TRPS1: variants seen among roughly 807,000 people sequenced by gnomAD.
TRPS1 encodes the protein zinc finger transcription factor Trps1.
A neutral mutation model predicts 101.2 loss-of-function variants in TRPS1; 6 were observed. That is an observed-to-expected ratio of 0.06 (90% confidence interval 0.03 to 0.12). The LOEUF (loss-of-function observed/expected upper bound fraction) is 0.12. Ranked by LOEUF, TRPS1 falls within the 10% of genes least tolerant of loss-of-function variation. TRPS1 has a pLI of 1.00. For missense variants in TRPS1, 1,363 were observed against 1,567.0 expected, an observed-to-expected ratio of 0.87 and a Z score of 2.20; for synonymous variants, 578 against 589.8, an observed-to-expected ratio of 0.98 and a Z score of 0.29.
intron 1 of TRPS1, among the ~76,000 whole-genome samples, chr8:115,645,716 A>T (rs528025062): frequency 1.2e-4 from 19 of 152,330 alleles, no homozygotes; most frequent in Admixed American, 2.0e-4. Context: ...AAATATTTTT[A>T]AAAAATGATG....
At chr8:115,638,759 A>T (rs1217542969) in intron 1 of TRPS1, among the ~76,000 whole-genome samples, 2 of 152,188 alleles carry the variant, frequency 1.3e-5, no homozygotes, top group Non-Finnish European at 2.9e-5. Context: ...GCTTACTCAC[A>T]TCTTTACTTT....
intron 5 of TRPS1, among the ~76,000 whole-genome samples, chr8:115,460,922 T>C (rs915922107): frequency 6.6e-6 from 1 of 152,188 alleles, no homozygotes; most frequent in African/African-American, 2.4e-5. Flanking sequence ...AGCTCAACTA[T>C]GTTACAAATA....
At chr8:115,628,452 C>G (rs115699518) in intron 1 of TRPS1, among the ~76,000 whole-genome samples, 1,580 of 151,878 alleles carry the variant, frequency 0.01, 27 homozygotes, top group African/African-American at 0.036. Context: ...CACACACACA[C>G]AGGAGTCATT....
chr8:115,534,445 T>G (rs1816231073), intron 5 of TRPS1, among the ~76,000 whole-genome samples: 1 of 152,026 alleles, frequency 6.6e-6, no homozygotes, highest in African/African-American at 2.4e-5. Flanking sequence ...CACTGGAGAT[T>G]GAAGCTCTAA....
intron 5 of TRPS1, among the ~76,000 whole-genome samples, chr8:115,553,941 A>AG (rs1483328640): frequency 1.6e-4 from 25 of 152,314 alleles, no homozygotes; most frequent in Middle Eastern, 7.0e-3. Context: ...CTGATAGCTG[A>AG]GTATTTGCTA....
At chr8:115,588,883 T>C (rs991002530) in intron 4 of TRPS1, among the ~76,000 whole-genome samples, 4 of 152,194 alleles carry the variant, frequency 2.6e-5, no homozygotes, top group African/African-American at 4.8e-5. Flanking sequence ...ATAAAAGATA[T>C]ATAGTCTTTG....
intron 5 of TRPS1, among the ~76,000 whole-genome samples, chr8:115,554,680 TGAGATTTATCA>T (rs1432377520): frequency 6.6e-6 from 1 of 152,106 alleles, no homozygotes. Flanking sequence ...TGGTTAAATG[TGAGATTTATCA>T]ATGTAATAAT....
At chr8:115,523,552 A>G (rs917194038) in intron 5 of TRPS1, among the ~76,000 whole-genome samples, 1 of 152,134 alleles carries the variant, frequency 6.6e-6, no homozygotes, top group Non-Finnish European at 1.5e-5. Flanking sequence ...ATAACTATCC[A>G]TATAAACCAT....
At chr8:115,450,052 A>T (rs955709245) in intron 5 of TRPS1, among the ~76,000 whole-genome samples, 1 of 152,072 alleles carries the variant, frequency 6.6e-6, no homozygotes, top group African/African-American at 2.4e-5. Context: ...TCTTGCATAA[A>T]CAAATTAGAG....
chr8:115,555,548 T>G (rs1816798541), intron 5 of TRPS1, among the ~76,000 whole-genome samples: 1 of 151,960 alleles, frequency 6.6e-6, no homozygotes, highest in Admixed American at 6.6e-5. Flanking sequence ...CCCATTCCCT[T>G]CAGACAAGAC....
intron 5 of TRPS1, among the ~76,000 whole-genome samples, chr8:115,510,000 T>C (rs1815542619): frequency 6.6e-6 from 1 of 152,040 alleles, no homozygotes; most frequent in African/African-American, 2.4e-5. Context: ...TAAACATCAA[T>C]GGTTGAACCC....
chr8:115,499,951 CTTTCTTTCTTTCTTTTCTTTTCT>C (rs1563555656), intron 5 of TRPS1, among the ~76,000 whole-genome samples: 1 of 57,624 alleles, frequency 1.7e-5, no homozygotes, highest in Non-Finnish European at 3.7e-5. Flanking sequence ...TTCTTTCTTT[CTTTCTTTCTTTCTTTTCTTTTCT>C]TTTCTTTTCT....
chr8:115,455,235 C>T (rs1314240272), intron 5 of TRPS1, among the ~76,000 whole-genome samples: 1 of 152,194 alleles, frequency 6.6e-6, no homozygotes, highest in African/African-American at 2.4e-5. Context: ...CTGCCTGCAA[C>T]ATGGTTTAAT....
intron 5 of TRPS1, among the ~76,000 whole-genome samples, chr8:115,490,598 T>C (rs1814996764): frequency 6.6e-6 from 1 of 152,184 alleles, no homozygotes; most frequent in African/African-American, 2.4e-5. Context: ...ATCTTTTATA[T>C]TGTGTCTCAG....
chr8:115,598,696 C>T (rs1009748644), intron 4 of TRPS1, among the ~76,000 whole-genome samples: 1 of 152,114 alleles, frequency 6.6e-6, no homozygotes, highest in East Asian at 1.9e-4. Context: ...CAGAAAATGT[C>T]TTTGCTTTGC....
chr8:115,624,988 ATATTTACT>A (rs1818474498), intron 1 of TRPS1, among the ~76,000 whole-genome samples: 1 of 151,724 alleles, frequency 6.6e-6, no homozygotes, highest in Non-Finnish European at 1.5e-5. Flanking sequence ...ATTTAATGAC[ATATTTACT>A]CCAACTAACC....
chr8:115,464,467 G>A (rs957162333), intron 5 of TRPS1, among the ~76,000 whole-genome samples: 1 of 152,104 alleles, frequency 6.6e-6, no homozygotes, highest in African/African-American at 2.4e-5. Flanking sequence ...AAGTCTGAGA[G>A]TGTAGTTCAT....
rs1220550483 is a variant in TRPS1, at chr8:115,668,778, C to A, written c.-355G>T. 6.9e-6 allele frequency: 1 copy of A among 144,394 alleles called. No homozygotes were observed. Among genetic ancestry groups the A allele is most frequent in the Non-Finnish European group, 1.5e-5 (1 of 66,542 alleles). 8.9% of individuals were successfully genotyped at this position (144,394 alleles called of 1,614,324 possible). ...AAATAGAGCAAGGATGTGCCCGGTG[C>A]CGGGTGGGAGAGGGGAGGGGGTGTT... On this transcript the variant is annotated 5_prime_UTR_variant, in exon 1 of 7. Coordinates refer to ENST00000395715, the MANE Select transcript of TRPS1 (RefSeq NM_014112.5).
intron 5 of TRPS1, among the ~76,000 whole-genome samples, chr8:115,575,977 G>C (rs548040691): frequency 6.6e-6 from 1 of 152,148 alleles, no homozygotes; most frequent in South Asian, 2.1e-4. Flanking sequence ...TTGAACATCT[G>C]ACTGTGAACA....
Sources: gnomAD v4.1 joint callset for allele counts (sites outside exome capture counted in the v4.1 genomes callset) on GRCh38, gnomAD v4.1.1 for gene constraint, MANE v1.5 for transcripts, NCBI Gene and HGNC (gene_info 2026-07-23, HGNC 2026-07-21) for gene names.